TFDP2: variants seen among roughly 807,000 people sequenced by gnomAD.
TFDP2 encodes transcription factor Dp-2 (E2F dimerization partner 2).
A neutral mutation model predicts 59.3 loss-of-function variants in TFDP2; 17 were observed. The observed-to-expected ratio is 0.29, with a 90% CI of 0.20 to 0.43. The LOEUF (loss-of-function observed/expected upper bound fraction) is 0.43, where lower values mean the gene tolerates loss of function less well. TFDP2 is among the 20% of genes least tolerant of loss of function. TFDP2 has a pLI of 1.00. For missense variants in TFDP2, 391 were observed against 528.8 expected, an observed-to-expected ratio of 0.74 and a Z score of 2.56; for synonymous variants, 180 against 194.7, an observed-to-expected ratio of 0.92 and a Z score of 0.63.
At chr3:142,082,104 C>T (rs941652401) in intron 3 of TFDP2, among the ~76,000 whole-genome samples, 29 of 152,120 alleles carry the variant, frequency 1.9e-4, no homozygotes, top group Non-Finnish European at 3.4e-4. Context: ...CTGACCTCCA[C>T]CTCTGTCAGA....
chr3:142,045,380 G>A (rs1334562884), intron 3 of TFDP2, among the ~76,000 whole-genome samples: 2 of 151,946 alleles, frequency 1.3e-5, no homozygotes, highest in Admixed American at 6.6e-5. Context: ...AGCTGGTCTC[G>A]AATTCCTGAC....
intron 4 of TFDP2, among the ~76,000 whole-genome samples, chr3:141,998,815 A>G (rs932729930): frequency 1.3e-5 from 2 of 152,144 alleles, no homozygotes; most frequent in Non-Finnish European, 2.9e-5. Context: ...TAGCAATTGA[A>G]CATTACTCTG....
chr3:141,994,850 C>A, intron 5 of TFDP2, 170 bp downstream of exon 5: 3 of 508,236 alleles, frequency 5.9e-6, no homozygotes, highest in Non-Finnish European at 6.5e-6. Context: ...ATAGTTATTC[C>A]AGAGATTATT....
intron 3 of TFDP2, among the ~76,000 whole-genome samples, chr3:142,010,583 T>C (rs1398208390): frequency 8.2e-6 from 1 of 122,598 alleles, no homozygotes; most frequent in African/African-American, 3.2e-5. Context: ...AACTCCAGCC[T>C]GGGTGACAGA....
chr3:142,000,122 G>A (rs1206586321), intron 4 of TFDP2: 2 of 484,652 alleles, frequency 4.1e-6, no homozygotes, highest in Admixed American at 3.4e-5. Context: ...GGCTGTAACT[G>A]GGTGTCTTAG....
chr3:142,001,493 C>T (rs75921103), intron 4 of TFDP2, among the ~76,000 whole-genome samples: 10,655 of 152,202 alleles, frequency 0.07, 479 homozygotes, highest in Non-Finnish European at 0.11. Context: ...CACTGAAATG[C>T]TATGGGTTTA....
intron 3 of TFDP2, among the ~76,000 whole-genome samples, chr3:142,091,007 C>T (rs183565542): frequency 2.2e-4 from 34 of 152,306 alleles, no homozygotes; most frequent in Admixed American, 4.6e-4. Flanking sequence ...CCACTTCCTT[C>T]CCCTGACCTG....
At chr3:142,096,049 T>C (rs1419245249) in intron 2 of TFDP2, among the ~76,000 whole-genome samples, 2 of 152,202 alleles carry the variant, frequency 1.3e-5, no homozygotes, top group African/African-American at 4.8e-5. Flanking sequence ...CTGCTCTTAA[T>C]ATCCAACTTC....
chr3:142,049,002 T>C (rs1230263030), intron 3 of TFDP2, among the ~76,000 whole-genome samples: 1 of 152,182 alleles, frequency 6.6e-6, no homozygotes, highest in Non-Finnish European at 1.5e-5. Context: ...AAATAACGAA[T>C]ATGAAGGGCT....
At chr3:142,118,322 T>A (rs55926409) in intron 1 of TFDP2, among the ~76,000 whole-genome samples, 1 of 152,124 alleles carries the variant, frequency 6.6e-6, no homozygotes, top group South Asian at 2.1e-4. Flanking sequence ...ACCATATGCA[T>A]ACAAATGTAC....
chr3:141,972,565 G>A (rs3804771), intron 8 of TFDP2, among the ~76,000 whole-genome samples: 39,041 of 152,002 alleles, frequency 0.26, 6,632 homozygotes, highest in African/African-American at 0.49. Flanking sequence ...CAGCCCATGT[G>A]GCACCTCTGC....
intron 1 of TFDP2, among the ~76,000 whole-genome samples, chr3:142,145,942 CT>C (rs1465678466): frequency 6.6e-6 from 1 of 152,050 alleles, no homozygotes; most frequent in Non-Finnish European, 1.5e-5. Context: ...TTAAAATTAG[CT>C]GAATTTCTAA....
chr3:141,974,368 A>C (rs1940278213), intron 7 of TFDP2, among the ~76,000 whole-genome samples, 177 bp from the exon 8 acceptor site: 1 of 152,216 alleles, frequency 6.6e-6, no homozygotes. Context: ...ATATCCTTCA[A>C]AATTAAAGAT....
intron 3 of TFDP2, among the ~76,000 whole-genome samples, chr3:142,062,297 T>A (rs1197882162): frequency 6.6e-6 from 1 of 151,610 alleles, no homozygotes; most frequent in Non-Finnish European, 1.5e-5. Context: ...GTAGTTAAAA[T>A]TATACACAGA....
At chr3:142,022,410 ATTTC>A (rs1266488884) in intron 3 of TFDP2, among the ~76,000 whole-genome samples, 1 of 152,148 alleles carries the variant, frequency 6.6e-6, no homozygotes, top group African/African-American at 2.4e-5. Flanking sequence ...AGTGACCCTT[ATTTC>A]TTCTGTTTCT....
At chr3:142,099,486 G>C (rs1324938602) in intron 2 of TFDP2, among the ~76,000 whole-genome samples, 1 of 152,110 alleles carries the variant, frequency 6.6e-6, no homozygotes, top group African/African-American at 2.4e-5. Context: ...CAGATTACCT[G>C]AGGTCGGGAG....
intron 1 of TFDP2, among the ~76,000 whole-genome samples, chr3:142,138,983 T>G (rs1046743767): frequency 2.0e-5 from 3 of 152,210 alleles, no homozygotes; most frequent in Admixed American, 2.0e-4. Context: ...TCTCTCATTA[T>G]TATTGTGTGG....
intron 3 of TFDP2, among the ~76,000 whole-genome samples, chr3:142,015,627 A>G (rs1464224388): frequency 6.6e-6 from 1 of 152,138 alleles, no homozygotes; most frequent in Non-Finnish European, 1.5e-5. Context: ...TCTTGGCTTC[A>G]ATTACTGCAA....
chr3:142,112,554 A>G (rs776219143), intron 1 of TFDP2, among the ~76,000 whole-genome samples: 2 of 152,236 alleles, frequency 1.3e-5, no homozygotes, highest in African/African-American at 2.4e-5. Context: ...ATGGGCTAAC[A>G]CTGTTACAGG....
Sources: allele counts gnomAD v4.1 joint callset (sites outside exome capture counted in the v4.1 genomes callset), GRCh38; gene constraint gnomAD v4.1.1; transcripts MANE v1.5; gene names NCBI Gene and HGNC (gene_info 2026-07-23, HGNC 2026-07-21).